The following SPHKAP variants were observed in gnomAD, a reference collection of about 807,000 sequenced individuals.
SPHKAP encodes SPHK1 interactor, AKAP domain containing.
In SPHKAP, 67 loss-of-function variants were observed where a neutral mutation model predicts 137.5. That is an observed-to-expected ratio of 0.49 (90% CI 0.40 to 0.60). The LOEUF (loss-of-function observed/expected upper bound fraction) is 0.60. Ranked by LOEUF, SPHKAP falls within the 20% of genes least tolerant of loss-of-function variation. SPHKAP has a pLI of 0.00. For missense variants in SPHKAP, 2,097 were observed against 2,069.3 expected (o/e 1.01, Z -0.26); for synonymous variants, 813 against 785.3 (o/e 1.04, Z -0.59).
Position 228,017,225 on chromosome 2 carries a change from G to A in SPHKAP, c.3629C>T (p.Ala1210Val), listed in dbSNP as rs137869603. 1.4e-5 allele frequency: 23 copies of A among 1,613,986 alleles called. No homozygotes were observed. The highest frequency in any genetic ancestry group is 1.9e-5 in the Non-Finnish European group (23 of 1,180,002). ...ATCCTGGCTGCTCCGTCTGGAGGAG[G>A]CACTTTCTCTGCTGTCTCTTTCGAT... ...RDIERDSRES[A>V]SSRRSSQDWT... Residue 1210 changes from alanine to valine, a missense_variant, in exon 7 of 12, where the codon GCC becomes GTC. Coordinates refer to ENST00000392056, the MANE Select transcript of SPHKAP (RefSeq NM_001142644.2).
chr2:228,016,869 C>T lies in SPHKAP; in HGVS notation c.3985G>A (p.Glu1329Lys), dbSNP rs375322719. 3.7e-6 allele frequency: 6 copies of T among 1,613,978 alleles called. No individual in the cohort carries two copies. In the African/African-American group the frequency reaches 6.7e-5, roughly 18 times the overall value. ...RKNKIIVDDA[E>K]EADTEPVSGG... ...GAAACAGGCTCAGTGTCAGCTTCCT[C>T]TGCATCATCCACAATGATTTTGTTC... is the stretch of plus-strand genomic sequence containing the variant. Residue 1329 changes from glutamate (E) to lysine (K), a missense_variant, in exon 7 of 12, where the codon GAG becomes AAG. Coordinates refer to ENST00000392056, the MANE Select transcript of SPHKAP (RefSeq NM_001142644.2).
intron 7 of SPHKAP, chr2:227,996,014 A>G (rs963633023): frequency 1.0e-6 from 1 of 985,290 alleles, no homozygotes; most frequent in African/African-American, 1.7e-5. Context: ...AAAAGAAGAT[A>G]CACAAAGCAT....
At chr2:228,092,322 CGT>C (rs1429006764) in intron 3 of SPHKAP, among the ~76,000 whole-genome samples, 1 of 99,930 alleles carries the variant, frequency 1.0e-5, no homozygotes, top group South Asian at 2.5e-4. Flanking sequence ...TGTGTGTATA[CGT>C]ACACACACAC....
intron 3 of SPHKAP, among the ~76,000 whole-genome samples, chr2:228,051,431 G>T (rs1696251763): frequency 6.6e-6 from 1 of 152,170 alleles, no homozygotes; most frequent in African/African-American, 2.4e-5. Flanking sequence ...GCAAGAATTT[G>T]AAATATGCCT....
chr2:228,119,994 G>T lies in SPHKAP; in HGVS notation c.139-11055C>A, dbSNP rs184745793. Among the ~76,000 whole-genome samples the T allele has an allele frequency of 1.9e-3, 296 of 152,212 alleles. 2 individuals carry two copies. The highest frequency in any genetic ancestry group is 6.9e-3 in the African/African-American group (286 of 41,556). On this transcript the variant is annotated intron_variant, in intron 2 of 11. Coordinates refer to ENST00000392056, the MANE Select transcript of SPHKAP (RefSeq NM_001142644.2). Reference sequence around the variant, plus strand: ...TACCATTGACACCTAAGAAAATTTAGAAATTTTGTAACTGATTATTTTAAA... The same window carrying T: ...TACCATTGACACCTAAGAAAATTTATAAATTTTGTAACTGATTATTTTAAA...
chr2:227,987,440 G>T (rs116103262), intron 11 of SPHKAP, among the ~76,000 whole-genome samples: 46 of 152,330 alleles, frequency 3.0e-4, no homozygotes, highest in South Asian at 1.9e-3. Context: ...GGTAGGAAGT[G>T]ATGTCTCTTG....
intron 11 of SPHKAP, among the ~76,000 whole-genome samples, chr2:227,987,951 A>C (rs1693273670): frequency 6.6e-6 from 1 of 152,202 alleles, no homozygotes; most frequent in Non-Finnish European, 1.5e-5. Context: ...TGGGAAGATG[A>C]CATTTTCTGG....
intron 8 of SPHKAP, among the ~76,000 whole-genome samples, chr2:227,994,897 T>C (rs1470066596): frequency 1.3e-5 from 2 of 152,244 alleles, no homozygotes; most frequent in African/African-American, 4.8e-5. Context: ...TGTGCAAAGT[T>C]TGTGGTTCAG....
intron 3 of SPHKAP, among the ~76,000 whole-genome samples, chr2:228,072,735 A>G (rs1161217922): frequency 6.6e-6 from 1 of 152,140 alleles, no homozygotes; most frequent in Non-Finnish European, 1.5e-5. Context: ...AGTGCTGGAA[A>G]GAACACTTGA....
In SPHKAP at chr2:228,017,181, AC is replaced by A; in HGVS notation, c.3672del (p.Ser1225LeufsTer25). 6.2e-7 allele frequency: 1 copy of A among 1,613,842 alleles called. No homozygotes were observed. The highest frequency in any genetic ancestry group is 8.5e-7 in the Non-Finnish European group (1 of 1,179,976). Reference sequence around the variant, plus strand: ...CACACTGGGGATCGCAGAGAAGGAGACAGCAGGCCGGCTGTCCAATCCTGGC... The same window carrying A: ...CACACTGGGGATCGCAGAGAAGGAGAAGCAGGCCGGCTGTCCAATCCTGGC... The part of the protein sequence containing the change: ...RSSQDWTAGL[L>X]SPSLRSPVCH... On this transcript the variant is annotated frameshift_variant, in exon 7 of 12. Transcript: ENST00000392056. LOFTEE classifies it high-confidence loss of function.
chr2:228,009,457 A>C (rs1361271892), intron 7 of SPHKAP, among the ~76,000 whole-genome samples: 1 of 152,168 alleles, frequency 6.6e-6, no homozygotes, highest in African/African-American at 2.4e-5. Flanking sequence ...TATTTATAAG[A>C]GATATTTAAT....
At position 228,034,304 on chromosome 2, in the gene SPHKAP, T is replaced by G. The variant is rs567369852; in HGVS notation, c.247-6761A>C. 2.6e-5 allele frequency among the ~76,000 whole-genome samples: 4 copies of G among 152,140 alleles called. No individual in the cohort carries two copies. In the East Asian group the frequency reaches 5.8e-4, roughly 22 times the overall value. Reference sequence around the variant, plus strand: ...GAAGAAATGGATAAATTCCTCGACATATACACCCTCCCAAGACTAAACCAG... The same window carrying G: ...GAAGAAATGGATAAATTCCTCGACAGATACACCCTCCCAAGACTAAACCAG... On this transcript the variant is annotated intron_variant, in intron 3 of 11. Coordinates refer to ENST00000392056, the MANE Select transcript of SPHKAP (RefSeq NM_001142644.2).
intron 3 of SPHKAP, among the ~76,000 whole-genome samples, chr2:228,032,452 ACT>A (rs1392266261): frequency 6.6e-6 from 1 of 152,220 alleles, no homozygotes. Context: ...GTTGGAAAAC[ACT>A]CTGCAGGATG....
chr2:228,020,500 T>A (rs1163672484), intron 6 of SPHKAP, among the ~76,000 whole-genome samples: 2 of 152,086 alleles, frequency 1.3e-5, no homozygotes, highest in Non-Finnish European at 2.9e-5. Flanking sequence ...TTCTCACTCA[T>A]AGGTGGGAAT....
At chr2:228,027,790 A>T (rs1048006610) in intron 3 of SPHKAP, among the ~76,000 whole-genome samples, 7 of 151,968 alleles carry the variant, frequency 4.6e-5, no homozygotes, top group Non-Finnish European at 8.8e-5. Context: ...ACATGGTGAA[A>T]CACTGTCTCT....
At chr2:228,146,731 C>A (rs1699787502) in intron 1 of SPHKAP, among the ~76,000 whole-genome samples, 1 of 152,180 alleles carries the variant, frequency 6.6e-6, no homozygotes, top group Non-Finnish European at 1.5e-5. Flanking sequence ...AAAGACACGA[C>A]CTTGTTCTTT....
At chr2:228,058,828 A>G (rs1696538550) in intron 3 of SPHKAP, among the ~76,000 whole-genome samples, 1 of 152,186 alleles carries the variant, frequency 6.6e-6, no homozygotes, top group Non-Finnish European at 1.5e-5. Flanking sequence ...AGCATAGCTC[A>G]CCTTTTTGGG....
chr2:228,095,843 C>T (rs1021885017), intron 3 of SPHKAP, among the ~76,000 whole-genome samples: 2 of 151,870 alleles, frequency 1.3e-5, no homozygotes, highest in Non-Finnish European at 2.9e-5. Flanking sequence ...CAATGATGAC[C>T]ATTTGTTGTC....
intron 2 of SPHKAP, among the ~76,000 whole-genome samples, chr2:228,126,097 G>A (rs1699070376): frequency 6.6e-6 from 1 of 152,032 alleles, no homozygotes; most frequent in South Asian, 2.1e-4. Flanking sequence ...ACAAAAAGGA[G>A]TGGTTGTATG....
Sources: gnomAD v4.1 joint callset for allele counts (sites outside exome capture counted in the v4.1 genomes callset) on GRCh38, gnomAD v4.1.1 for gene constraint, MANE v1.5 for transcripts, NCBI Gene and HGNC (gene_info 2026-07-23, HGNC 2026-07-21) for gene names.